The following SLC29A4 variants were observed in gnomAD, a reference collection of about 807,000 sequenced individuals.
SLC29A4 encodes equilibrative nucleoside transporter 4.
A neutral mutation model predicts 43.9 loss-of-function variants in SLC29A4; 36 were observed. The ratio of observed to expected loss-of-function variants is 0.82; its 90% CI spans 0.63 to 1.08. SLC29A4 has a LOEUF of 1.08. SLC29A4 is among the 50% of genes least tolerant of loss of function. The pLI, the probability that SLC29A4 is intolerant of heterozygous loss-of-function variation, is 0.00. For synonymous variants in SLC29A4, 491 were observed against 338.0 expected, an observed-to-expected ratio of 1.45 and a Z score of -4.97; for missense variants, 869 against 755.3, an observed-to-expected ratio of 1.15 and a Z score of -1.77.
intron 5 of SLC29A4, 118 bp downstream of exon 5, chr7:5,291,939 C>T (rs1043931406): frequency 1.3e-4 from 185 of 1,421,888 alleles, no homozygotes; most frequent in Non-Finnish European, 1.7e-4. Context: ...GGCTGGGTGC[C>T]AGGTGTGTGT....
At position 5,305,373 on chromosome 7, in the gene SLC29A4, G is replaced by C. The variant is rs913939421; in HGVS notation, c.*2434G>C. 3.3e-5 allele frequency: 5 copies of C among 152,228 alleles called. No individual in the cohort carries two copies. Among genetic ancestry groups the C allele is most frequent in the African/African-American group, 1.2e-4 (5 of 41,440 alleles). The allele number at this position is 152,228 out of a possible 1,614,324, so 9.4% of individuals were successfully genotyped here. On this transcript the variant is annotated 3_prime_UTR_variant, in exon 11 of 11. Coordinates refer to ENST00000396872, the MANE Select transcript of SLC29A4 (RefSeq NM_153247.4). ...TGCAAAGCCCCGAATGTCCTCTGCA[G>C]GCCACCCACACTAACCAGGTCAGTC...
rs1457764482 is a variant in SLC29A4 at position 5,291,134 on chromosome 7, C to T, written c.312C>T (p.Ile104=). The change falls in exon 4 of 11, where the codon ATC becomes ATT. Residue 104 remains isoleucine (I), a synonymous_variant. Transcript: ENST00000396872. ...TCTGGCCCTCTGCAGGGACCTCCAT[C>T]GTGTTTGACATGAGCCTCACCTACA... ...YLHHKYPGTS[I]VFDMSLTYIL... is the part of the protein sequence containing the mutation. 8.7e-6 allele frequency: 14 copies of T among 1,613,750 alleles called. No individual in the cohort carries two copies. Among genetic ancestry groups the T allele is most frequent in the Non-Finnish European group, 1.1e-5 (13 of 1,180,008 alleles).
chr7:5,292,316 G>C (rs1183942272), intron 5 of SLC29A4, among the ~76,000 whole-genome samples: 1 of 152,092 alleles, frequency 6.6e-6, no homozygotes, highest in Non-Finnish European at 1.5e-5. Flanking sequence ...ATCTCTCTGT[G>C]TTGCCCAGGC....
intron 7 of SLC29A4, among the ~76,000 whole-genome samples, chr7:5,297,573 G>C (rs1298900917): frequency 6.6e-6 from 1 of 152,214 alleles, no homozygotes; most frequent in Non-Finnish European, 1.5e-5. Flanking sequence ...AGCCCTCCTG[G>C]CTGCGCCAAC....
chr7:5,292,041 T>C (rs1328869701), intron 5 of SLC29A4, among the ~76,000 whole-genome samples: 2 of 152,234 alleles, frequency 1.3e-5, no homozygotes, highest in African/African-American at 4.8e-5. Flanking sequence ...CCACAGAGAC[T>C]CTGAGGCAGC....
intron 6 of SLC29A4, among the ~76,000 whole-genome samples, chr7:5,296,584 G>T (rs1180871775): frequency 1.3e-5 from 1 of 75,312 alleles, no homozygotes; most frequent in Non-Finnish European, 2.7e-5. Context: ...GGGTCAAGCT[G>T]AGTCGGGGGG....
Position 5,291,721 on chromosome 7 carries a change from T to G in SLC29A4, c.444T>G (p.Leu148=). The G allele has an allele frequency of 6.2e-7, 1 of 1,611,872 alleles. No individual in the cohort carries two copies. The highest frequency in any genetic ancestry group is 8.5e-7 in the Non-Finnish European group (1 of 1,179,770). The stretch of plus-strand genomic sequence containing the variant: ...ACCTCTTAGCCTTGGGCCCTCTCCT[T>G]TTTATCAGCATCTGCGACGTGTGGC... ...AGYLLALGPL[L]FISICDVWLQ... Residue 148 remains leucine, a synonymous_variant, in exon 5 of 11, where the codon CTT becomes CTG. Transcript: ENST00000396872.
chr7:5,294,841 CCTCT>C lies in SLC29A4; in HGVS notation c.545-8_545-5del. ...GTGATAATGGTGCCTCTGGGTTGTT[CCTCT>C]CTCTCTCTCTTAAGTGCAGCAATCC... is the stretch of plus-strand genomic sequence containing the variant. On this transcript the variant is annotated splice_polypyrimidine_tract_variant and intron_variant, in intron 5 of 10. Transcript: ENST00000396872. 3.2e-6 allele frequency: 5 copies of C among 1,542,042 alleles called. No homozygotes were observed. The highest frequency in any genetic ancestry group is 3.5e-6 in the Non-Finnish European group (4 of 1,127,546).
chr7:5,290,613 G>A (rs775993106), intron 2 of SLC29A4, 119 bp from the exon 3 acceptor site: 3 of 1,329,442 alleles, frequency 2.3e-6, no homozygotes, highest in Non-Finnish European at 3.1e-6. Flanking sequence ...GGGGAGCAGG[G>A]GTCACGGTGA....
At chr7:5,290,049 CT>C (rs1302145042) in intron 2 of SLC29A4, among the ~76,000 whole-genome samples, 1 of 98,248 alleles carries the variant, frequency 1.0e-5, no homozygotes, top group Non-Finnish European at 2.3e-5. Flanking sequence ...CCATGCCCAG[CT>C]AATTTTTTTT....
intron 5 of SLC29A4, among the ~76,000 whole-genome samples, chr7:5,292,592 C>T (rs1469551155): frequency 2.0e-5 from 3 of 151,396 alleles, no homozygotes; most frequent in Admixed American, 6.6e-5. Flanking sequence ...CATATTTTCC[C>T]TTGCACCATT....
At chr7:5,300,797 C>G in intron 10 of SLC29A4, 135 bp downstream of exon 10, 2 of 1,237,480 alleles carry the variant, frequency 1.6e-6, no homozygotes, top group Non-Finnish European at 2.2e-6. Context: ...TCTGGGAGGC[C>G]GTAGGTGTGG....
intron 1 of SLC29A4, among the ~76,000 whole-genome samples, chr7:5,285,534 C>T (rs1784893954): frequency 6.6e-6 from 1 of 152,214 alleles, no homozygotes; most frequent in Non-Finnish European, 1.5e-5. Context: ...TTTTAGGCCC[C>T]AGTTAAAATT....
Position 5,296,934 on chromosome 7 carries a change from AGGCAC to A in SLC29A4, c.622_626del (p.Thr208GlyfsTer58). ...CCCCGGCCCACTGTGCACGCCCCCC[AGGCAC>A]GGCGGGCGTGATGATCTCTCTGAGC... is the stretch of plus-strand genomic sequence containing the variant. On this transcript the variant is annotated splice_acceptor_variant and coding_sequence_variant, in exon 7 of 11. Coordinates refer to ENST00000396872, the MANE Select transcript of SLC29A4 (RefSeq NM_153247.4). LOFTEE classifies it high-confidence loss of function. 6.5e-7 allele frequency: 1 copy of A among 1,527,616 alleles called. No individual in the cohort carries two copies. Among genetic ancestry groups the A allele is most frequent in the East Asian group, 2.2e-5 (1 of 44,716 alleles). The allele number at this position is 1,527,616 out of a possible 1,614,324, so 94.6% of individuals were successfully genotyped here. A position where few individuals can be genotyped will look rare whatever the true frequency, so the allele number is the denominator to read the frequency against.
rs1786274985 is a variant in SLC29A4 at position 5,302,932 on chromosome 7, G to A, written c.1586G>A (p.Gly529Asp). The change falls in exon 11 of 11, where the codon GGC (glycine) becomes GAC (aspartate). Residue 529 changes from glycine (G) to aspartate (D), a missense_variant. Physicochemically the swap from Gly to Asp is moderately conservative, Grantham distance 94. Coordinates refer to ENST00000396872, the MANE Select transcript of SLC29A4 (RefSeq NM_153247.4). ...ASTANGSILAGL is the reference protein window; with the variant it reads ...ASTANGSILADL ...ACCGCCAATGGTTCCATCCTCGCAGGCCTCTGAGCCAGCCCCGCCCACTGC... is the reference window on the plus strand; with the variant it reads ...ACCGCCAATGGTTCCATCCTCGCAGACCTCTGAGCCAGCCCCGCCCACTGC... The A allele has an allele frequency of 6.2e-7, 1 of 1,606,296 alleles. No individual in the cohort carries two copies. The highest frequency in any genetic ancestry group is 1.7e-5 in the Admixed American group (1 of 59,476).
chr7:5,292,690 C>CTTTCTTTTTTTTTTTT (rs1785381635), intron 5 of SLC29A4, among the ~76,000 whole-genome samples: 1 of 67,402 alleles, frequency 1.5e-5, no homozygotes, highest in East Asian at 5.7e-4. Context: ...CATTTTTTTC[C>CTTTCTTTTTTTTTTTT]TTTTTTTTTT....
intron 5 of SLC29A4, among the ~76,000 whole-genome samples, chr7:5,294,145 A>C (rs1346812123): frequency 6.6e-6 from 1 of 151,948 alleles, no homozygotes; most frequent in Non-Finnish European, 1.5e-5. Context: ...CTCACTTTGT[A>C]GTCCAGGATG....
chr7:5,302,070 C>T (rs1293639431), intron 10 of SLC29A4, among the ~76,000 whole-genome samples: 1 of 152,196 alleles, frequency 6.6e-6, no homozygotes, highest in Non-Finnish European at 1.5e-5. Context: ...CATGCCTCAG[C>T]CTCCTGAGTA....
chr7:5,303,318 A>C lies in SLC29A4; in HGVS notation c.*379A>C. 7.0e-6 allele frequency: 2 copies of C among 285,108 alleles called. No homozygotes were observed. Among genetic ancestry groups the C allele is most frequent in the Non-Finnish European group, 1.3e-5 (2 of 150,368 alleles). The allele number at this position is 285,108 out of a possible 1,614,324, so 17.7% of individuals were successfully genotyped here. ...CAGAGTGTGCGCGCCCAGTGACTGC[A>C]CCCCGGCCCTCATCACCCACCGGCA... On this transcript the variant is annotated 3_prime_UTR_variant, in exon 11 of 11. Coordinates refer to ENST00000396872, the MANE Select transcript of SLC29A4 (RefSeq NM_153247.4).
Sources: allele counts gnomAD v4.1 joint callset (sites outside exome capture counted in the v4.1 genomes callset), GRCh38; gene constraint gnomAD v4.1.1; transcripts MANE v1.5; gene names NCBI Gene and HGNC (gene_info 2026-07-23, HGNC 2026-07-21).